The following TESMIN variants were observed in gnomAD, a reference collection of about 807,000 sequenced individuals.
The protein encoded by TESMIN is CXC domain containing 2.
A neutral mutation model predicts 47.4 loss-of-function variants in TESMIN; 34 were observed. That is an observed-to-expected ratio of 0.72 (90% CI 0.55 to 0.96). The LOEUF is 0.96. TESMIN is among the 40% of genes least tolerant of loss of function. The pLI is 0.00. For missense variants in TESMIN, 610 were observed against 637.2 expected (o/e 0.96, Z 0.46); for synonymous variants, 278 against 258.9 (o/e 1.07, Z -0.71).
chr11:68,737,125 A>T lies in TESMIN; in HGVS notation c.917+1575T>A, dbSNP rs527949753. ...TTTAGATCATCCTGTGTAATGTATC[A>T]GCAGAATCTGGAAGTAGCTGAAGTC... On this transcript the variant is annotated intron_variant, in intron 6 of 9. Transcript: ENST00000255087. The T allele has an allele frequency of 5.1e-5, 50 of 985,456 alleles. No homozygotes were observed. In the African/African-American group the frequency reaches 7.8e-4, roughly 15 times the overall value. 61.0% of individuals were successfully genotyped at this position (985,456 alleles called of 1,614,324 possible).
At chr11:68,738,244 C>T (rs1946411162) in intron 6 of TESMIN, 1 of 995,474 alleles carries the variant, frequency 1.0e-6, no homozygotes, top group Non-Finnish European at 1.2e-6. Flanking sequence ...TTAGCACCTG[C>T]CATAGAGCTC....
At chr11:68,717,937 A>G (rs966943433) in intron 6 of TESMIN, among the ~76,000 whole-genome samples, 2 of 152,238 alleles carry the variant, frequency 1.3e-5, no homozygotes, top group Non-Finnish European at 2.9e-5. Context: ...GCATTCTAGC[A>G]GGAGACTAGA....
chr11:68,739,318 C>T (rs1946429479), intron 5 of TESMIN, among the ~76,000 whole-genome samples: 1 of 152,190 alleles, frequency 6.6e-6, no homozygotes, highest in South Asian at 2.1e-4. Flanking sequence ...CAGGTCTCAT[C>T]TTTCTTTATG....
intron 6 of TESMIN, among the ~76,000 whole-genome samples, chr11:68,731,061 T>C (rs538046137): frequency 1.3e-5 from 2 of 152,040 alleles, no homozygotes; most frequent in Admixed American, 6.5e-5. Flanking sequence ...GATGAACGAG[T>C]AAAACGCTTG....
At chr11:68,728,423 G>T (rs1594292950) in intron 6 of TESMIN, among the ~76,000 whole-genome samples, 1 of 152,294 alleles carries the variant, frequency 6.6e-6, no homozygotes, top group South Asian at 2.1e-4. Context: ...GCTAGCAGAG[G>T]CTGGTTCATG....
At chr11:68,715,332 T>C (rs1052798814) in intron 7 of TESMIN, among the ~76,000 whole-genome samples, 2 of 152,222 alleles carry the variant, frequency 1.3e-5, no homozygotes, top group Non-Finnish European at 2.9e-5. Flanking sequence ...GGCATCAAAG[T>C]AACCTTTTGC....
chr11:68,747,252 C>T lies in TESMIN; in HGVS notation c.586G>A (p.Glu196Lys), dbSNP rs1177571911. Residue 196 changes from glutamate to lysine, a missense_variant, in exon 3 of 10, where the codon GAG becomes AAG. Transcript: ENST00000255087. Reference sequence around the variant, plus strand: ...TTAAGAGAACAGCAGGAGGCATCCTCTAGTTCCTGGGACGATGGGAACTTG... The same window carrying T: ...TTAAGAGAACAGCAGGAGGCATCCTTTAGTTCCTGGGACGATGGGAACTTG... ...CCKFPSSQEL[E>K]DASCCSLKKD... The T allele has an allele frequency of 6.2e-7, 1 of 1,614,102 alleles. No individual in the cohort carries two copies. Among genetic ancestry groups the T allele is most frequent in the Non-Finnish European group, 8.5e-7 (1 of 1,180,032 alleles).
At chr11:68,706,588 C>G (rs1029479886), downstream of TESMIN, among the ~76,000 whole-genome samples, 66 of 152,188 alleles carry the variant, frequency 4.3e-4, no homozygotes, top group African/African-American at 1.5e-3. Context: ...CTGAGGCGCC[C>G]GAACCCTTAA....
intron 6 of TESMIN, among the ~76,000 whole-genome samples, chr11:68,724,165 C>T (rs1946234716): frequency 6.6e-6 from 1 of 152,126 alleles, no homozygotes; most frequent in South Asian, 2.1e-4. Flanking sequence ...TCTTACAGTA[C>T]ATAATAATCA....
Position 68,715,935 on chromosome 11 carries a change from A to C in TESMIN, c.922T>G (p.Cys308Gly). 1 of 1,604,876 alleles carries C rather than the reference A, an allele frequency of 6.2e-7. No individual in the cohort carries two copies. The highest frequency in any genetic ancestry group is 8.5e-7 in the Non-Finnish European group (1 of 1,171,678). ...GPPKITLAGY[C>G]DCFASGDFCN... ...AAGTCCCCACTGGCAAAGCAGTCAC[A>C]GTACCTGTGAAGGAAAGGACAGAGT... The change falls in exon 7 of 10, where the codon TGT becomes GGT. Residue 308 changes from cysteine (C) to glycine (G), a missense_variant. Physicochemically the swap from Cys to Gly is radical, Grantham distance 159 (BLOSUM62 -3). Coordinates refer to ENST00000255087, the MANE Select transcript of TESMIN (RefSeq NM_004923.3).
chr11:68,737,548 G>A (rs1946401332), intron 6 of TESMIN: 6 of 985,544 alleles, frequency 6.1e-6, no homozygotes, highest in Admixed American at 6.1e-5. Flanking sequence ...TGGAGGCTGC[G>A]GGCTGTATCC....
At chr11:68,737,831 T>C in intron 6 of TESMIN, 3 of 809,622 alleles carry the variant, frequency 3.7e-6, no homozygotes, top group South Asian at 5.7e-5. Flanking sequence ...GAGAATTGCT[T>C]GAACCCAGGA....
chr11:68,705,205 C>A (rs553294103), downstream of TESMIN, among the ~76,000 whole-genome samples: 11 of 152,356 alleles, frequency 7.2e-5, no homozygotes, highest in African/African-American at 2.2e-4. Flanking sequence ...GAGGCCTCCT[C>A]CCTGCTTCGT....
intron 6 of TESMIN, chr11:68,738,456 G>A (rs957277956): frequency 6.2e-5 from 81 of 1,296,178 alleles, no homozygotes; most frequent in Middle Eastern, 6.1e-4. Flanking sequence ...ATAGGACAGC[G>A]GACAGGAGGA....
At position 68,710,992 on chromosome 11, in the gene TESMIN, T is replaced by C; in HGVS notation, c.1216A>G (p.Ser406Gly). Residue 406 changes from serine (S) to glycine (G), a missense_variant, in exon 9 of 10, where the codon AGC becomes GGC. Ser to Gly is a moderately conservative substitution (Grantham distance 56). Coordinates refer to ENST00000255087, the MANE Select transcript of TESMIN (RefSeq NM_004923.3). Reference protein sequence around the residue: ...KCIGCKNYEESPERKTLMSMP... With the variant: ...KCIGCKNYEEGPERKTLMSMP... Reference sequence around the variant, plus strand: ...CTCATTAGTGTCTTTCGTTCTGGGCTTTCTTCATAATTTTTGCAACCAATG... The same window carrying C: ...CTCATTAGTGTCTTTCGTTCTGGGCCTTCTTCATAATTTTTGCAACCAATG... 1.2e-6 allele frequency: 2 copies of C among 1,613,858 alleles called. No homozygotes were observed. The highest frequency in any genetic ancestry group is 1.7e-6 in the Non-Finnish European group (2 of 1,179,878).
At chr11:68,726,468 G>A (rs983302260) in intron 6 of TESMIN, among the ~76,000 whole-genome samples, 2 of 151,998 alleles carry the variant, frequency 1.3e-5, no homozygotes, top group African/African-American at 4.8e-5. Flanking sequence ...ATTATAATTC[G>A]CAGTTTAAAA....
chr11:68,744,767 A>G (rs1594302648), intron 4 of TESMIN: 1 of 333,170 alleles, frequency 3.0e-6, no homozygotes, highest in Non-Finnish European at 5.4e-6. Flanking sequence ...GCTAGGTGAC[A>G]TGAGGGACAG....
intron 6 of TESMIN, chr11:68,737,107 C>T (rs778566987): frequency 2.4e-4 from 232 of 985,246 alleles, no homozygotes; most frequent in Non-Finnish European, 2.6e-4. Context: ...CCTTTTAGAT[C>T]ATCCTGTGTA....
At chr11:68,740,100 G>A (rs1052366354) in intron 5 of TESMIN, among the ~76,000 whole-genome samples, 1 of 152,136 alleles carries the variant, frequency 6.6e-6, no homozygotes, top group African/African-American at 2.4e-5. Flanking sequence ...TCAACTCGGA[G>A]GCAGGGCTTC....
Sources: allele counts gnomAD v4.1 joint callset (sites outside exome capture counted in the v4.1 genomes callset), GRCh38; gene constraint gnomAD v4.1.1; transcripts MANE v1.5; gene names NCBI Gene and HGNC (gene_info 2026-07-23, HGNC 2026-07-21).